The following FSD2 variants were observed in gnomAD, a reference collection of about 807,000 sequenced individuals.
FSD2 encodes fibronectin type III and SPRY domain containing 2, also known as fibronectin type III and SPRY domain-containing protein 2.
In FSD2, 71 loss-of-function variants were observed where a neutral mutation model predicts 80.4. The ratio of observed to expected loss-of-function variants is 0.88; its 90% CI spans 0.73 to 1.08. The LOEUF (loss-of-function observed/expected upper bound fraction) is 1.08. Ranked by LOEUF, FSD2 falls within the 50% of genes least tolerant of loss-of-function variation. The probability of loss-of-function intolerance (pLI) is 0.00; values close to 1 mark genes in which losing one functional copy is unlikely to be tolerated. For synonymous variants in FSD2, 361 were observed against 329.5 expected (o/e 1.10, Z -1.03); for missense variants, 923 against 913.8 (o/e 1.01, Z -0.13).
chr15:82,759,522 T>C lies in FSD2; in HGVS notation c.2076A>G (p.Leu692=), dbSNP rs182082697. The C allele has an allele frequency of 2.5e-6, 4 of 1,610,584 alleles. No homozygotes were observed. Among genetic ancestry groups the C allele is most frequent in the Non-Finnish European group, 3.4e-6 (4 of 1,178,118 alleles). ...ITVPPKKIGI[L]LDYEHSKLSF... The stretch of plus-strand genomic sequence containing the variant: ...ACAACTTTGAATGTTCATAGTCTAA[T>C]AGAATGCCAATCTTCTTTGGTGGAA... The change falls in exon 13 of 13, where the codon CTA becomes CTG. Residue 692 remains leucine (L), a synonymous_variant. Transcript: ENST00000334574.
intron 1 of FSD2, among the ~76,000 whole-genome samples, chr15:82,790,551 TGTGTGTGTGTGTGTGTTCGTGC>T (rs1381096319): frequency 2.6e-5 from 4 of 151,328 alleles, no homozygotes; most frequent in East Asian, 1.9e-4. Flanking sequence ...CATTTGTGTG[TGTGTGTGTGTGTGTGTTCGTGC>T]GTGTGTGTGT....
At chr15:82,790,222 A>G (rs2050107551) in intron 1 of FSD2, among the ~76,000 whole-genome samples, 1 of 151,990 alleles carries the variant, frequency 6.6e-6, no homozygotes, top group Admixed American at 6.6e-5. Flanking sequence ...ACAAACAAAC[A>G]GTTCTCTGAT....
At chr15:82,786,041 A>T (rs564953718) in intron 3 of FSD2, among the ~76,000 whole-genome samples, 18 of 152,190 alleles carry the variant, frequency 1.2e-4, no homozygotes, top group African/African-American at 4.1e-4. Context: ...ATAAGGGTCT[A>T]TCAAGTTGAA....
In FSD2 at chr15:82,765,912, G is replaced by A. The variant is rs1445755463; in HGVS notation, c.1673C>T (p.Thr558Ile). The change falls in exon 10 of 13, where the codon ACA becomes ATA. Residue 558 changes from threonine to isoleucine, a missense_variant. Thr to Ile is a moderately conservative substitution (Grantham distance 89). Coordinates refer to ENST00000334574, the MANE Select transcript of FSD2 (RefSeq NM_001007122.4). ...GGPSVRSEPA[T>I]VHTIGSYFRL... ...GGGGCACAGACCTATGGTGTGGACT[G>A]TAGCTGGCTCGCTCCTCACGCTGGG... 1.2e-6 allele frequency: 2 copies of A among 1,610,238 alleles called. No homozygotes were observed. Among genetic ancestry groups the A allele is most frequent in the Non-Finnish European group, 1.7e-6 (2 of 1,178,772 alleles).
Position 82,782,894 on chromosome 15 carries a change from A to G in FSD2, c.867T>C (p.Tyr289=), listed in dbSNP as rs201216956. The G allele has an allele frequency of 1.2e-5, 19 of 1,613,810 alleles. No homozygotes were observed. Among genetic ancestry groups the G allele is most frequent in the Non-Finnish European group, 1.6e-5 (19 of 1,179,862 alleles). The change falls in exon 4 of 13, where the codon TAT becomes TAC. Residue 289 remains tyrosine, a synonymous_variant. Coordinates refer to ENST00000334574, the MANE Select transcript of FSD2 (RefSeq NM_001007122.4). Reference sequence around the variant, plus strand: ...TTTCTCCACAGCTGACCAGTTGTCCATATAAGGCTTCCAGCTTCTCTTTCT... The same window carrying G: ...TTTCTCCACAGCTGACCAGTTGTCCGTATAAGGCTTCCAGCTTCTCTTTCT... ...EKKKEKLEAL[Y]GQLVSCGENL... is the part of the protein sequence containing the mutation.
chr15:82,768,958 G>C lies in FSD2; in HGVS notation c.1475C>G (p.Ser492Cys). 6.2e-7 allele frequency: 1 copy of C among 1,608,126 alleles called. No individual in the cohort carries two copies. Among genetic ancestry groups the C allele is most frequent in the Non-Finnish European group, 8.5e-7 (1 of 1,177,408 alleles). Residue 492 changes from serine to cysteine, a missense_variant, in exon 9 of 13, where the codon TCT becomes TGT. Transcript: ENST00000334574. ...CEEAVLICWE[S>C]GNLNPVDSYT... ...CGAGTCCACAGGATTCAGGTTCCCA[G>C]ACTCCCAGCAAATCAGCACAGCCTC...
intron 5 of FSD2, 147 bp downstream of exon 5, chr15:82,780,098 C>A (rs940454887): frequency 1.7e-5 from 10 of 605,684 alleles, no homozygotes; most frequent in African/African-American, 1.2e-4. Context: ...TGACTGCACA[C>A]CATCATTCCA....
intron 11 of FSD2, among the ~76,000 whole-genome samples, chr15:82,764,601 C>T (rs1746808204): frequency 1.3e-5 from 2 of 149,046 alleles, no homozygotes; most frequent in East Asian, 2.0e-4. Flanking sequence ...GCCTCAGCCT[C>T]CCGAGTAGCT....
chr15:82,762,971 C>A (rs2049324915), intron 11 of FSD2, among the ~76,000 whole-genome samples: 1 of 152,236 alleles, frequency 6.6e-6, no homozygotes, highest in Non-Finnish European at 1.5e-5. Context: ...TAGACCTCAA[C>A]ATCCCTAGAA....
intron 1 of FSD2, among the ~76,000 whole-genome samples, chr15:82,799,882 T>A (rs1296645941): frequency 1.3e-5 from 2 of 152,222 alleles, no homozygotes; most frequent in African/African-American, 4.8e-5. Context: ...AGGTAGAAGA[T>A]GCCTGGATGC....
rs535884286 is a variant in FSD2 at position 82,785,484 on chromosome 15, C to T, written c.735+1027G>A. ...GGACTACAGGCACATGGCACCACAC[C>T]CAGCTAATTTTTTATTAGTAGTAGA... is the stretch of plus-strand genomic sequence containing the variant. On this transcript the variant is annotated intron_variant, in intron 3 of 12. Coordinates refer to ENST00000334574, the MANE Select transcript of FSD2 (RefSeq NM_001007122.4). 2.6e-5 allele frequency among the ~76,000 whole-genome samples: 4 copies of T among 152,012 alleles called. No individual in the cohort carries two copies. The East Asian group carries it at 7.7e-4, about 29-fold the overall frequency.
At chr15:82,791,533 GCTAA>G (rs908714487) in intron 1 of FSD2, among the ~76,000 whole-genome samples, 1 of 151,908 alleles carries the variant, frequency 6.6e-6, no homozygotes, top group Non-Finnish European at 1.5e-5. Context: ...GCCATGCCTG[GCTAA>G]CTTTTTAATT....
chr15:82,789,506 C>G (rs1357830206), intron 1 of FSD2, among the ~76,000 whole-genome samples: 1 of 151,902 alleles, frequency 6.6e-6, no homozygotes, highest in Non-Finnish European at 1.5e-5. Flanking sequence ...GCTATCATCC[C>G]CATTTTGTAG....
intron 11 of FSD2, 93 bp downstream of exon 11, chr15:82,765,073 A>T (rs1373590919): frequency 7.1e-7 from 1 of 1,399,256 alleles, no homozygotes; most frequent in African/African-American, 1.5e-5. Context: ...TTTTCCCTCG[A>T]GGCTGCCTCC....
In FSD2 at chr15:82,768,962, C is replaced by T. The variant is rs1457292617; in HGVS notation, c.1471G>A (p.Glu491Lys). 6.2e-7 allele frequency: 1 copy of T among 1,607,820 alleles called. No individual in the cohort carries two copies. The highest frequency in any genetic ancestry group is 8.5e-7 in the Non-Finnish European group (1 of 1,177,300). ...SCEEAVLICW[E>K]SGNLNPVDSY... ...TCCACAGGATTCAGGTTCCCAGACT[C>T]CCAGCAAATCAGCACAGCCTCTTCA... Residue 491 changes from glutamate (E) to lysine (K), a missense_variant, in exon 9 of 13, where the codon GAG becomes AAG. By Grantham distance (56) the Glu-to-Lys change is moderately conservative. Transcript: ENST00000334574.
chr15:82,774,110 T>C (rs1180488983), intron 6 of FSD2, among the ~76,000 whole-genome samples: 4 of 152,230 alleles, frequency 2.6e-5, no homozygotes, highest in Admixed American at 2.6e-4. Context: ...GCTCTTACTC[T>C]GTCACCCAGG....
rs574300650 is a variant in FSD2, at chr15:82,786,689, G to A, written c.639+63C>T. 8.3e-5 allele frequency: 133 copies of A among 1,606,168 alleles called. 1 individual carries two copies. In the South Asian group the frequency reaches 1.3e-3, roughly 16 times the overall value. ...AGAAGGCGTTTTAGATTTATTCCCT[G>A]CGTATGTACTTGAGATACCAAAGCA... On this transcript the variant is annotated intron_variant, in intron 2 of 12. Coordinates refer to ENST00000334574, the MANE Select transcript of FSD2 (RefSeq NM_001007122.4).
intron 9 of FSD2, among the ~76,000 whole-genome samples, chr15:82,766,610 C>T (rs2049428512): frequency 6.6e-6 from 1 of 151,954 alleles, no homozygotes; most frequent in Non-Finnish European, 1.5e-5. Flanking sequence ...AGTGTGGTGG[C>T]AGGTGCCTGT....
Position 82,776,615 on chromosome 15 carries a change from C to T in FSD2, c.1111+2151G>A, listed in dbSNP as rs1428364533. 2.0e-5 allele frequency among the ~76,000 whole-genome samples: 3 copies of T among 151,900 alleles called. No homozygotes were observed. The East Asian group carries it at 5.8e-4, about 29-fold the overall frequency. The stretch of plus-strand genomic sequence containing the variant: ...CACAAAATAATGGAAAAGTATCCTA[C>T]ATTCATAGATTGGAAGAATTAATAT... On this transcript the variant is annotated intron_variant, in intron 6 of 12. Transcript: ENST00000334574.
Sources: allele counts gnomAD v4.1 joint callset (sites outside exome capture counted in the v4.1 genomes callset), GRCh38; gene constraint gnomAD v4.1.1; transcripts MANE v1.5; gene names NCBI Gene and HGNC (gene_info 2026-07-23, HGNC 2026-07-21).